OPN4: variants seen among roughly 807,000 people sequenced by gnomAD.
The protein encoded by OPN4 is melanopsin.
OPN4 carries 43 observed loss-of-function variants against 49.5 expected under a neutral mutation model. That is an observed-to-expected ratio of 0.87 (90% CI 0.68 to 1.12). OPN4 has a LOEUF of 1.12. OPN4 is among the 50% of genes most tolerant of loss of function. The probability of loss-of-function intolerance (pLI) is 0.00; values close to 1 mark genes in which losing one functional copy is unlikely to be tolerated. For synonymous variants in OPN4, 263 were observed against 258.0 expected (o/e 1.02, Z -0.19); for missense variants, 657 against 643.9 (o/e 1.02, Z -0.22).
intron 7 of OPN4, 64 bp downstream of exon 7, chr10:86,661,452 G>C (rs2132306297): frequency 1.7e-6 from 2 of 1,201,570 alleles, no homozygotes; most frequent in Non-Finnish European, 2.4e-6. Flanking sequence ...GATGGGGGCA[G>C]AGGCCACCAC....
chr10:86,665,251 A>T lies in OPN4; in HGVS notation c.1399-462A>T, dbSNP rs184226874. Among the ~76,000 whole-genome samples, 5 of 152,190 alleles carry T rather than the reference A, an allele frequency of 3.3e-5. No homozygotes were observed. The East Asian group carries it at 9.7e-4, about 29-fold the overall frequency. ...GTGGTAGGAGCAGTGGGAAGGCCCC[A>T]TCAGGGACTGGCTTAGGTGTCTCCA... On this transcript the variant is annotated intron_variant, in intron 9 of 9. Transcript: ENST00000241891.
In OPN4 at chr10:86,662,252, G is replaced by A. The variant is rs1844026067; in HGVS notation, c.1074G>A (p.Arg358=). 1 of 1,608,656 alleles carries A rather than the reference G, an allele frequency of 6.2e-7. No homozygotes were observed. The highest frequency in any genetic ancestry group is 1.3e-5 in the African/African-American group (1 of 74,978). ...IIYAITHPKY[R]VAIAQHLPCL... ...CTAATCAGATGTGCGGCCCCTGCAG[G>A]GTGGCCATTGCCCAGCACCTGCCCT... Residue 358 remains arginine (R), a splice_region_variant and synonymous_variant, in exon 8 of 10, where the codon AGG becomes AGA. Transcript: ENST00000241891.
At chr10:86,659,501 G>C in intron 5 of OPN4, 33 bp downstream of exon 5, 13 of 1,606,974 alleles carry the variant, frequency 8.1e-6, no homozygotes, top group Admixed American at 3.4e-5. Context: ...GGCTACAGGA[G>C]GGGGACCGGC....
intron 9 of OPN4, chr10:86,664,024 G>T (rs935540457): frequency 7.7e-6 from 4 of 522,028 alleles, no homozygotes; most frequent in East Asian, 3.2e-5. Flanking sequence ...ACATGTGTGT[G>T]TGTGTGTGTG....
At chr10:86,665,546 C>T (rs575982409) in intron 9 of OPN4, among the ~76,000 whole-genome samples, 167 bp from the exon 10 acceptor site, 240 of 152,158 alleles carry the variant, frequency 1.6e-3, no homozygotes, top group Admixed American at 3.8e-3. Flanking sequence ...CCAGCTCTTA[C>T]TCTGGGATGT....
chr10:86,658,004 G>C lies in OPN4; in HGVS notation c.291-28G>C, dbSNP rs182222074. 462 of 1,604,788 alleles carry C rather than the reference G, an allele frequency of 2.9e-4. 5 individuals are homozygous for C. In the East Asian group the frequency reaches 9.5e-3, roughly 33 times the overall value. ...CATAGCTCTGGAGGTGTCAGGAAGC[G>C]CCTCCTAACAGCTTCTGATCCTCCC... On this transcript the variant is annotated intron_variant, in intron 2 of 9. Coordinates refer to ENST00000241891, the MANE Select transcript of OPN4 (RefSeq NM_033282.4).
rs1042897960 is a variant in OPN4, at chr10:86,661,469, G to C, written c.1073+81G>C. On this transcript the variant is annotated intron_variant, in intron 7 of 9. Coordinates refer to ENST00000241891, the MANE Select transcript of OPN4 (RefSeq NM_033282.4). The stretch of plus-strand genomic sequence containing the variant: ...TGGGGGCAGAGGCCACCACCTTTCT[G>C]TCTCTCGTGTGTGTGTAGAATGGGG... 36 of 1,012,656 alleles carry C rather than the reference G, an allele frequency of 3.6e-5. No individual in the cohort carries two copies. The Admixed American group carries it at 7.4e-4, about 21-fold the overall frequency. The allele number at this position is 1,012,656 out of a possible 1,614,324, so 62.7% of individuals were successfully genotyped here.
In OPN4 at chr10:86,654,905, G is replaced by C. The variant is rs771237976; in HGVS notation, c.122G>C (p.Arg41Pro). The change falls in exon 1 of 10, where the codon CGG (arginine) becomes CCG (proline). Residue 41 changes from arginine to proline, a missense_variant. Arg to Pro is a moderately radical substitution (Grantham distance 103). Coordinates refer to ENST00000241891, the MANE Select transcript of OPN4 (RefSeq NM_033282.4). ...CAGAGCAGCATCTCCAGCCTGGGCCGGCTTCCATCCATCAGTCCCACAGTA... is the reference window on the plus strand; with the variant it reads ...CAGAGCAGCATCTCCAGCCTGGGCCCGCTTCCATCCATCAGTCCCACAGTA... ...SSQSSISSLG[R>P]LPSISPTAPG... The C allele has an allele frequency of 3.3e-5, 52 of 1,592,318 alleles. No individual in the cohort carries two copies. The highest frequency in any genetic ancestry group is 4.2e-5 in the Non-Finnish European group (49 of 1,166,470).
At chr10:86,656,334 G>A in intron 2 of OPN4, 34 bp downstream of exon 2, 3 of 1,559,312 alleles carry the variant, frequency 1.9e-6, no homozygotes, top group Non-Finnish European at 2.6e-6. Flanking sequence ...CCAGGGCACT[G>A]AGGGTGGCAG....
chr10:86,665,467 T>C (rs539708963), intron 9 of OPN4, among the ~76,000 whole-genome samples: 46 of 151,842 alleles, frequency 3.0e-4, no homozygotes, highest in Non-Finnish European at 5.3e-4. Context: ...ATGGGTTCAG[T>C]TGTGACCCCG....
intron 3 of OPN4, 67 bp downstream of exon 3, chr10:86,658,232 G>A: frequency 6.3e-7 from 1 of 1,587,672 alleles, no homozygotes; most frequent in South Asian, 1.2e-5. Context: ...GCCCTCAATG[G>A]AGGGTGGCCC....
rs763560299 is a variant in OPN4 at position 86,660,022 on chromosome 10, G to T, written c.928G>T (p.Ala310Ser). 6.2e-7 allele frequency: 1 copy of T among 1,614,204 alleles called. No homozygotes were observed. Among genetic ancestry groups the T allele is most frequent in the South Asian group, 1.1e-5 (1 of 91,084 alleles). ...LVILLFVLSWAPYSAVALVAF... is the reference protein window; with the variant it reads ...LVILLFVLSWSPYSAVALVAF... ...CATCCTCCTCTTCGTGCTCTCCTGGGCTCCCTATTCCGCTGTGGCCCTGGT... is the reference window on the plus strand; with the variant it reads ...CATCCTCCTCTTCGTGCTCTCCTGGTCTCCCTATTCCGCTGTGGCCCTGGT... The change falls in exon 6 of 10, where the codon GCT becomes TCT. Residue 310 changes from alanine to serine, a missense_variant. Transcript: ENST00000241891.
Position 86,666,199 on chromosome 10 carries a change from A to C in OPN4, c.*448A>C. On this transcript the variant is annotated 3_prime_UTR_variant, in exon 10 of 10. Transcript: ENST00000241891. ...TGCCAACAGCTGAAGCCGAGCACAGACCTCCCTTTGCACGCTGGAACAGTT... is the reference window on the plus strand; with the variant it reads ...TGCCAACAGCTGAAGCCGAGCACAGCCCTCCCTTTGCACGCTGGAACAGTT... 2 of 195,526 alleles carry C rather than the reference A, an allele frequency of 1.0e-5. No individual in the cohort carries two copies. Among genetic ancestry groups the C allele is most frequent in the South Asian group, 1.1e-4 (1 of 9,292 alleles). The allele number at this position is 195,526 out of a possible 1,614,324, so 12.1% of individuals were successfully genotyped here. A position where few individuals can be genotyped will look rare whatever the true frequency, so the allele number is the denominator to read the frequency against.
chr10:86,658,579 C>A lies in OPN4; in HGVS notation c.520C>A (p.Arg174Ser), dbSNP rs761241421. 1 of 1,614,232 alleles carries A rather than the reference C, an allele frequency of 6.2e-7. No individual in the cohort carries two copies. Among genetic ancestry groups the A allele is most frequent in the South Asian group, 1.1e-5 (1 of 91,088 alleles). ...IALDRYLVIT[R>S]PLATFGVASK... ...CCTGGACCGCTACCTGGTAATCACA[C>A]GCCCGCTGGCCACCTTTGGTGTGGC... The change falls in exon 4 of 10, where the codon CGC becomes AGC. Residue 174 changes from arginine (R) to serine (S), a missense_variant. Transcript: ENST00000241891.
At position 86,661,290 on chromosome 10, in the gene OPN4, C is replaced by A; in HGVS notation, c.975C>A (p.His325Gln). 6.2e-7 allele frequency: 1 copy of A among 1,613,790 alleles called. No individual in the cohort carries two copies. Among genetic ancestry groups the A allele is most frequent in the Non-Finnish European group, 8.5e-7 (1 of 1,179,790 alleles). The change falls in exon 7 of 10, where the codon CAC (histidine) becomes CAA (glutamine). Residue 325 changes from histidine (H) to glutamine (Q), a missense_variant. Transcript: ENST00000241891. ...ACCTTCTCTGTCCTAGGTACGCACACGTCCTGACACCCTACATGAGCTCGG... is the reference window on the plus strand; with the variant it reads ...ACCTTCTCTGTCCTAGGTACGCACAAGTCCTGACACCCTACATGAGCTCGG... The part of the protein sequence containing the change: ...VALVAFAGYA[H>Q]VLTPYMSSVP...
chr10:86,661,143 C>A, intron 6 of OPN4, 138 bp from the exon 7 acceptor site: 1 of 680,316 alleles, frequency 1.5e-6, no homozygotes, highest in South Asian at 1.7e-5. Flanking sequence ...CTGGCACTGC[C>A]AATTCCTCCC....
At chr10:86,655,051 G>C (rs1589584178) in intron 1 of OPN4, 124 bp downstream of exon 1, 1 of 1,022,116 alleles carries the variant, frequency 9.8e-7, no homozygotes, top group Non-Finnish European at 1.4e-6. Flanking sequence ...GTGGGGCCTT[G>C]AGCCATTACT....
chr10:86,658,573 A>G lies in OPN4; in HGVS notation c.514A>G (p.Ile172Val), dbSNP rs1316022616. 5.6e-6 allele frequency: 9 copies of G among 1,614,188 alleles called. No homozygotes were observed. The highest frequency in any genetic ancestry group is 5.9e-6 in the Non-Finnish European group (7 of 1,180,034). Residue 172 changes from isoleucine (I) to valine (V), a missense_variant, in exon 4 of 10, where the codon ATC (isoleucine) becomes GTC (valine). Physicochemically the swap from Ile to Val is conservative, Grantham distance 29 (BLOSUM62 3). Transcript: ENST00000241891. The part of the protein sequence containing the change: ...TAIALDRYLV[I>V]TRPLATFGVA... ...CATCGCCCTGGACCGCTACCTGGTA[A>G]TCACACGCCCGCTGGCCACCTTTGG...
At chr10:86,664,700 TG>T (rs1844102694) in intron 9 of OPN4, among the ~76,000 whole-genome samples, 1 of 152,202 alleles carries the variant, frequency 6.6e-6, no homozygotes, top group Non-Finnish European at 1.5e-5. Flanking sequence ...ACGAAAGCCC[TG>T]GGCTGTACCT....
Sources: gnomAD v4.1 joint callset for allele counts (sites outside exome capture counted in the v4.1 genomes callset) on GRCh38, gnomAD v4.1.1 for gene constraint, MANE v1.5 for transcripts, NCBI Gene and HGNC (gene_info 2026-07-23, HGNC 2026-07-21) for gene names.